Variants in AOPEP observed in about 807,000 individuals in gnomAD.
AOPEP encodes aminopeptidase O (putative).
A neutral mutation model predicts 98.1 loss-of-function variants in AOPEP; 77 were observed. The observed-to-expected ratio is 0.78, with a 90% CI of 0.65 to 0.95. The LOEUF is 0.95. Ranked by LOEUF, AOPEP falls within the 40% of genes least tolerant of loss-of-function variation. AOPEP has a pLI of 0.00. For synonymous variants in AOPEP, 346 were observed against 365.3 expected, an observed-to-expected ratio of 0.95 and a Z score of 0.60; for missense variants, 1,024 against 1,024.7, an observed-to-expected ratio of 1.00 and a Z score of 0.01.
chr9:94,912,676 C>A (rs2052237933), intron 5 of AOPEP, among the ~76,000 whole-genome samples: 2 of 152,232 alleles, frequency 1.3e-5, no homozygotes, highest in Admixed American at 1.3e-4. Context: ...GAGTAGGAAT[C>A]TCGGCTATGG....
intron 5 of AOPEP, among the ~76,000 whole-genome samples, chr9:94,839,112 GTC>G (rs1245063752): frequency 1.0e-4 from 14 of 136,258 alleles, no homozygotes; most frequent in African/African-American, 3.9e-4. Flanking sequence ...TTGAGAGGGA[GTC>G]TCACTCTGTC....
chr9:94,757,451 C>T (rs570039975), intron 1 of AOPEP, among the ~76,000 whole-genome samples: 42 of 152,284 alleles, frequency 2.8e-4, no homozygotes, highest in African/African-American at 9.9e-4. Flanking sequence ...CACTGGAAAG[C>T]CAGCCATGGC....
chr9:94,996,917 G>A (rs997278268), intron 11 of AOPEP, among the ~76,000 whole-genome samples: 8 of 152,132 alleles, frequency 5.3e-5, no homozygotes, highest in African/African-American at 1.9e-4. Context: ...CTTTTCCATT[G>A]GTGCACACTG....
chr9:94,852,211 A>T (rs2043638666), intron 5 of AOPEP, among the ~76,000 whole-genome samples: 1 of 152,180 alleles, frequency 6.6e-6, no homozygotes, highest in Non-Finnish European at 1.5e-5. Flanking sequence ...AAGTACTTGG[A>T]TCCCACCCCA....
intron 13 of AOPEP, among the ~76,000 whole-genome samples, chr9:95,009,418 G>A (rs907191208): frequency 1.3e-5 from 2 of 152,022 alleles, no homozygotes; most frequent in African/African-American, 4.8e-5. Context: ...TTCCTTTAGA[G>A]GAAGAAAATT....
chr9:94,805,353 C>T (rs114779530), intron 5 of AOPEP, among the ~76,000 whole-genome samples: 33 of 152,274 alleles, frequency 2.2e-4, no homozygotes, highest in African/African-American at 7.7e-4. Context: ...CAGATCACCA[C>T]GTTTTCTTCC....
intron 11 of AOPEP, among the ~76,000 whole-genome samples, chr9:95,004,520 C>T (rs2061788407): frequency 6.6e-6 from 1 of 152,134 alleles, no homozygotes; most frequent in Non-Finnish European, 1.5e-5. Flanking sequence ...AACCCGGTCC[C>T]GGAGAAAACT....
intron 13 of AOPEP, among the ~76,000 whole-genome samples, chr9:95,010,148 T>G (rs1336849265): frequency 6.6e-6 from 1 of 152,128 alleles, no homozygotes; most frequent in Non-Finnish European, 1.5e-5. Context: ...CCTTTTAAAT[T>G]TTATATATTG....
chr9:94,730,225 A>G (rs1564024854), intron 1 of AOPEP, among the ~76,000 whole-genome samples: 2 of 149,398 alleles, frequency 1.3e-5, no homozygotes, highest in Non-Finnish European at 3.0e-5. Context: ...CGGAGCTTGT[A>G]GTGAGCCGAG....
intron 15 of AOPEP, 100 bp from the exon 16 acceptor site, chr9:95,082,475 C>G: frequency 2.2e-6 from 3 of 1,352,294 alleles, no homozygotes; most frequent in Non-Finnish European, 3.0e-6. Context: ...ATTTCTAGAC[C>G]AGCAAGTGTG....
chr9:94,923,911 AAAGCTGCCCCATCGGATGGCCATGAGGAC>A, intron 5 of AOPEP, 46 bp from the exon 6 acceptor site: 1 of 1,046,074 alleles, frequency 9.6e-7, no homozygotes, highest in Non-Finnish European at 1.3e-6. Context: ...CCAGGCTAGG[AAAGCTGCCCCATCGGATGGCCATGAGGAC>A]AGGCTCTAAC....
intron 12 of AOPEP, 144 bp downstream of exon 12, chr9:95,005,364 C>A: frequency 2.6e-6 from 2 of 756,514 alleles, no homozygotes; most frequent in Non-Finnish European, 1.9e-6. Flanking sequence ...GCGGCCGTGA[C>A]GAAGGTCGCG....
chr9:95,129,056 C>T, the AOPEP span, among the ~76,000 whole-genome samples: 1 of 152,050 alleles, frequency 6.6e-6, no homozygotes, highest in Admixed American at 6.5e-5. Context: ...GCACGTGCCA[C>T]CACACCTGGC....
intron 13 of AOPEP, among the ~76,000 whole-genome samples, chr9:95,031,291 GTCTT>G (rs1426904320): frequency 6.6e-6 from 1 of 152,132 alleles, no homozygotes; most frequent in Non-Finnish European, 1.5e-5. Context: ...GCGTCGGTCT[GTCTT>G]TGTTCTTCAC....
intron 1 of AOPEP, among the ~76,000 whole-genome samples, chr9:94,749,287 A>G (rs947967268): frequency 2.0e-5 from 3 of 152,050 alleles, no homozygotes; most frequent in Admixed American, 1.3e-4. Context: ...CTGTGTCCCA[A>G]TTCTTCTGTT....
chr9:95,023,460 G>T (rs376926974), intron 13 of AOPEP, among the ~76,000 whole-genome samples: 42 of 152,304 alleles, frequency 2.8e-4, no homozygotes, highest in African/African-American at 1.0e-3. Flanking sequence ...GCCCCATGGG[G>T]CCACTCTGCC....
intron 1 of AOPEP, among the ~76,000 whole-genome samples, chr9:94,736,420 G>T (rs922687022): frequency 1.3e-5 from 2 of 152,036 alleles, no homozygotes; most frequent in Non-Finnish European, 2.9e-5. Context: ...TGGGGAGGAG[G>T]AACTCTTACT....
intron 16 of AOPEP, among the ~76,000 whole-genome samples, chr9:95,084,122 T>G (rs952846498): frequency 1.3e-5 from 2 of 152,176 alleles, no homozygotes; most frequent in African/African-American, 4.8e-5. Flanking sequence ...TTAAAAAAAC[T>G]TTATCAAATC....
chr9:94,759,598 A>G, intron 1 of AOPEP, 51 bp from the exon 2 acceptor site: 2 of 577,222 alleles, frequency 3.5e-6, no homozygotes, highest in South Asian at 4.7e-5. Flanking sequence ...TTGCAGGAGC[A>G]CTTAGGTCTT....
Sources: gnomAD v4.1 joint callset for allele counts (sites outside exome capture counted in the v4.1 genomes callset) on GRCh38, gnomAD v4.1.1 for gene constraint, MANE v1.5 for transcripts, NCBI Gene and HGNC (gene_info 2026-07-23, HGNC 2026-07-21) for gene names.